The following UGT1A4 variants were observed in gnomAD, a reference collection of about 807,000 sequenced individuals.
The protein encoded by UGT1A4 is UDP-glucuronosyltransferase 1A4.
UGT1A4 carries 32 observed loss-of-function variants against 41.1 expected under a neutral mutation model. The ratio of observed to expected loss-of-function variants is 0.78; its 90% CI spans 0.59 to 1.05. UGT1A4 has a LOEUF of 1.05. UGT1A4 is among the 50% of genes least tolerant of loss of function. The probability of loss-of-function intolerance (pLI) is 0.00; values close to 1 mark genes in which losing one functional copy is unlikely to be tolerated. For missense variants in UGT1A4, 748 were observed against 677.4 expected (o/e 1.10, Z -1.16); for synonymous variants, 283 against 265.1 (o/e 1.07, Z -0.66).
chr2:233,719,480 G>C lies in UGT1A4; in HGVS notation c.660G>C (p.Leu220=). 2 of 1,613,982 alleles carry C rather than the reference G, an allele frequency of 1.2e-6. No homozygotes were observed. The highest frequency in any genetic ancestry group is 1.1e-5 in the South Asian group (1 of 91,076). ...RVKNMLYPLA[L]SYICHTFSAP... ...AGAACATGCTCTACCCTCTGGCCCT[G>C]TCCTACATTTGCCATACTTTTTCTG... The change falls in exon 1 of 5, where the codon CTG becomes CTC. Residue 220 remains leucine (L), a synonymous_variant. Transcript: ENST00000373409.
In UGT1A4 at chr2:233,725,191, CAGAGGCAGAGGCAGAGGCAGAGGCAGA is replaced by C. The variant is rs1559370256; in HGVS notation, c.867+5505_867+5531del. 1.2e-4 allele frequency among the ~76,000 whole-genome samples: 9 copies of C among 75,260 alleles called. 2 individuals are homozygous for C. Among genetic ancestry groups the C allele is most frequent in the South Asian group, 1.2e-3 (2 of 1,722 alleles). 49.4% of individuals were successfully genotyped at this position (75,260 alleles called of 152,430 possible). A position where few individuals can be genotyped will look rare whatever the true frequency, so the allele number is the denominator to read the frequency against. On this transcript the variant is annotated intron_variant, in intron 1 of 4. Coordinates refer to ENST00000373409, the MANE Select transcript of UGT1A4 (RefSeq NM_007120.3). Reference sequence around the variant, plus strand: ...GGGAGACCGTGGGGAGAGGCAGAGGCAGAGGCAGAGGCAGAGGCAGAGGCAGAGGAGGCAGAGGCAGAGGAGGCAGAG... The same window carrying C: ...GGGAGACCGTGGGGAGAGGCAGAGGCGGAGGCAGAGGCAGAGGAGGCAGAG...
At position 233,769,556 on chromosome 2, in the gene UGT1A4, A is replaced by G. The variant is rs1699895169; in HGVS notation, c.1307+1117A>G. 6.2e-7 allele frequency: 1 copy of G among 1,612,744 alleles called. No individual in the cohort carries two copies. Among genetic ancestry groups the G allele is most frequent in the African/African-American group, 1.3e-5 (1 of 74,934 alleles). On this transcript the variant is annotated intron_variant, in intron 4 of 4. Transcript: ENST00000373409. The surrounding 1 kb of genome is among the most constrained non-coding windows in gnomAD (Gnocchi z 4.4). ...AAAGAAGCAGCAGTCAGGAAGACAG[A>G]TGTGAAGAGCTGGAGCATGTTCAGA...
intron 1 of UGT1A4, among the ~76,000 whole-genome samples, chr2:233,751,182 A>C (rs1481520525): frequency 1.3e-5 from 2 of 151,938 alleles, no homozygotes; most frequent in African/African-American, 4.9e-5. Flanking sequence ...ATGAGACATG[A>C]AGTTAAAGGT....
rs762488947 is a variant in UGT1A4, at chr2:233,772,318, C to T, written c.1364C>T (p.Pro455Leu). 5 of 1,614,112 alleles carry T rather than the reference C, an allele frequency of 3.1e-6. No homozygotes were observed. Among genetic ancestry groups the T allele is most frequent in the African/African-American group, 1.3e-5 (1 of 74,934 alleles). The change falls in exon 5 of 5, where the codon CCG (proline) becomes CTG (leucine). Residue 455 changes from proline to leucine, a missense_variant. Physicochemically the swap from Pro to Leu is moderately conservative, Grantham distance 98. Transcript: ENST00000373409. ...SSLHKDRPVE[P>L]LDLAVFWVEF... is the part of the protein sequence containing the mutation. ...CTTCACAAGGACCGCCCGGTGGAGC[C>T]GCTGGACCTGGCCGTGTTCTGGGTG...
At chr2:233,737,920 A>AT (rs1189793368) in intron 1 of UGT1A4, among the ~76,000 whole-genome samples, 1 of 152,076 alleles carries the variant, frequency 6.6e-6, no homozygotes, top group Non-Finnish European at 1.5e-5. Context: ...AGGCTAGTGT[A>AT]TTTAGTAGTG....
chr2:233,729,597 C>T (rs375083511), intron 1 of UGT1A4: 44 of 1,613,906 alleles, frequency 2.7e-5, no homozygotes, highest in East Asian at 1.8e-4. Context: ...TTAACCTCTG[C>T]GCGGCAGTGC....
chr2:233,741,653 G>T (rs1248296818), intron 1 of UGT1A4: 1 of 151,908 alleles, frequency 6.6e-6, no homozygotes, highest in African/African-American at 2.4e-5. Flanking sequence ...CCAGCTGACT[G>T]CCATGTTCCT....
intron 1 of UGT1A4, chr2:233,747,357 C>A (rs115834808): frequency 9.4e-6 from 15 of 1,602,522 alleles, no homozygotes; most frequent in East Asian, 2.2e-5. Context: ...GGAGGCCGTG[C>A]GGGAGCTCCA....
intron 1 of UGT1A4, among the ~76,000 whole-genome samples, chr2:233,740,158 G>A (rs2125827659): frequency 6.6e-6 from 1 of 151,948 alleles, no homozygotes; most frequent in East Asian, 1.9e-4. Flanking sequence ...GGCCTCCCCA[G>A]TCATGTGGAA....
intron 1 of UGT1A4, chr2:233,760,374 G>A: frequency 1.9e-6 from 3 of 1,614,168 alleles, no homozygotes; most frequent in Non-Finnish European, 2.5e-6. Context: ...ATGCTGGGAA[G>A]ATACTGTTGA....
Position 233,724,420 on chromosome 2 carries a change from G to C in UGT1A4, c.867+4733G>C, listed in dbSNP as rs1396792043. Among the ~76,000 whole-genome samples the C allele has an allele frequency of 2.2e-5, 3 of 135,560 alleles. 1 individual carries two copies. The highest frequency in any genetic ancestry group is 8.5e-5 in the African/African-American group (3 of 35,170). 88.9% of individuals were successfully genotyped at this position (135,560 alleles called of 152,430 possible). The stretch of plus-strand genomic sequence containing the variant: ...TTCCCAGATGGGGTGGCTGCCGGGC[G>C]GAGAGGCTCCTCACTTCTCAGACAG... On this transcript the variant is annotated intron_variant, in intron 1 of 4. Transcript: ENST00000373409.
intron 1 of UGT1A4, among the ~76,000 whole-genome samples, chr2:233,766,276 C>T (rs1021162182): frequency 2.0e-5 from 3 of 151,848 alleles, no homozygotes; most frequent in Non-Finnish European, 2.9e-5. Flanking sequence ...GGCTCGGTGG[C>T]CCGGGCTCGG....
chr2:233,757,047 T>C (rs1479467900), intron 1 of UGT1A4, among the ~76,000 whole-genome samples: 1 of 151,210 alleles, frequency 6.6e-6, no homozygotes, highest in Non-Finnish European at 1.5e-5. Context: ...CAAAGGAAGT[T>C]TGGGGAACAG....
intron 1 of UGT1A4, among the ~76,000 whole-genome samples, chr2:233,722,820 A>AT (rs1013250134): frequency 4.0e-5 from 6 of 148,234 alleles, no homozygotes; most frequent in Non-Finnish European, 9.0e-5. Context: ...TTTTCAAGTT[A>AT]TTTTGTATTA....
At chr2:233,736,600 T>C (rs1190084576) in intron 1 of UGT1A4, among the ~76,000 whole-genome samples, 7 of 152,224 alleles carry the variant, frequency 4.6e-5, no homozygotes, top group Non-Finnish European at 1.0e-4. Flanking sequence ...TTATGCGCTA[T>C]GGTTTTTAGA....
chr2:233,762,210 G>A (rs190920095), intron 1 of UGT1A4, among the ~76,000 whole-genome samples: 9 of 152,170 alleles, frequency 5.9e-5, no homozygotes, highest in Non-Finnish European at 7.4e-5. Context: ...TGTATTTGGC[G>A]CCCCATAAAT....
At chr2:233,733,583 G>C (rs2078417703) in intron 1 of UGT1A4, among the ~76,000 whole-genome samples, 2 of 152,122 alleles carry the variant, frequency 1.3e-5, no homozygotes, top group Admixed American at 1.3e-4. Context: ...TTTGTCATTG[G>C]TTCTGTTTAT....
At chr2:233,740,004 G>A (rs1691279372) in intron 1 of UGT1A4, among the ~76,000 whole-genome samples, 1 of 151,810 alleles carries the variant, frequency 6.6e-6, no homozygotes, top group African/African-American at 2.4e-5. Context: ...GTCATACTAA[G>A]TGAGTTCTCA....
intron 1 of UGT1A4, among the ~76,000 whole-genome samples, chr2:233,736,127 C>T (rs143835193): frequency 0.028 from 4,197 of 152,268 alleles, 184 homozygotes; most frequent in African/African-American, 0.094. Flanking sequence ...TTCCATTCTC[C>T]GCATCACTTT....
Sources: allele counts gnomAD v4.1 joint callset (sites outside exome capture counted in the v4.1 genomes callset), GRCh38; gene constraint gnomAD v4.1.1; non-coding constraint Gnocchi (gnomAD v3.1); transcripts MANE v1.5; gene names NCBI Gene and HGNC (gene_info 2026-07-23, HGNC 2026-07-21).